EVI5: variants seen among roughly 807,000 people sequenced by gnomAD.
EVI5 encodes ecotropic viral integration site 5.
In EVI5, 73 loss-of-function variants were observed where a neutral mutation model predicts 112.0. The ratio of observed to expected loss-of-function variants is 0.65; its 90% CI spans 0.54 to 0.79. The LOEUF is 0.79. Among genes scored for constraint, EVI5 ranks in the 30% least tolerant of loss-of-function variants. EVI5 has a pLI of 0.00. For synonymous variants in EVI5, 305 were observed against 319.9 expected (o/e 0.95, Z 0.50); for missense variants, 900 against 968.8 (o/e 0.93, Z 0.94).
intron 19 of EVI5, among the ~76,000 whole-genome samples, chr1:92,519,037 CT>C (rs936433053): frequency 6.6e-5 from 10 of 152,002 alleles, no homozygotes; most frequent in Non-Finnish European, 1.0e-4. Context: ...CCTACAAGGC[CT>C]TTTTTTGTTT....
At chr1:92,785,155 C>A (rs1371987574), upstream of EVI5, 3 of 974,002 alleles carry the variant, frequency 3.1e-6, no homozygotes, top group African/African-American at 5.3e-5. Context: ...CAGCCTCTAC[C>A]GCAGAATGGG....
intron 2 of EVI5, among the ~76,000 whole-genome samples, chr1:92,735,980 T>C (rs977435928): frequency 6.0e-5 from 9 of 150,814 alleles, no homozygotes; most frequent in East Asian, 1.9e-4. Context: ...TTTAATACCA[T>C]TAGGAGAAAA....
At chr1:92,633,733 G>A (rs946860308) in intron 14 of EVI5, among the ~76,000 whole-genome samples, 7 of 151,846 alleles carry the variant, frequency 4.6e-5, no homozygotes, top group African/African-American at 9.7e-5. Context: ...AGCTGATAAC[G>A]AGCATATTTT....
At chr1:92,657,673 C>CA (rs543863509) in intron 13 of EVI5, among the ~76,000 whole-genome samples, 3,125 of 150,582 alleles carry the variant, frequency 0.021, 87 homozygotes, top group African/African-American at 0.072. Flanking sequence ...AACAAACAAA[C>CA]AAAAAAAAAC....
intron 1 of EVI5, among the ~76,000 whole-genome samples, chr1:92,759,616 T>C (rs560195617): frequency 6.6e-6 from 1 of 152,318 alleles, no homozygotes; most frequent in Non-Finnish European, 1.5e-5. Flanking sequence ...CTATATCCAT[T>C]TCCCTTTCTT....
intron 1 of EVI5, among the ~76,000 whole-genome samples, chr1:92,747,891 T>C (rs1469482471): frequency 1.3e-5 from 2 of 152,074 alleles, no homozygotes; most frequent in African/African-American, 4.8e-5. Context: ...CCAGCATTTC[T>C]TGGTTTGCAG....
At chr1:92,711,291 G>GT (rs773167751) in intron 2 of EVI5, among the ~76,000 whole-genome samples, 5 of 152,090 alleles carry the variant, frequency 3.3e-5, no homozygotes, top group Admixed American at 6.5e-5. Context: ...CAAAAATCTG[G>GT]TAATTATCTG....
chr1:92,541,921 A>G (rs1664869987), intron 19 of EVI5, among the ~76,000 whole-genome samples: 1 of 152,372 alleles, frequency 6.6e-6, no homozygotes, highest in East Asian at 1.9e-4. Context: ...AGTGGTCAGC[A>G]AGTAATGGAT....
intron 18 of EVI5, among the ~76,000 whole-genome samples, chr1:92,566,396 GT>G (rs1301203288): frequency 6.6e-6 from 1 of 152,134 alleles, no homozygotes; most frequent in Non-Finnish European, 1.5e-5. Flanking sequence ...TGACATTGTA[GT>G]TGTACAATGT....
intron 16 of EVI5, among the ~76,000 whole-genome samples, chr1:92,614,117 CTGA>C (rs2101668788): frequency 6.6e-6 from 1 of 152,302 alleles, no homozygotes; most frequent in East Asian, 1.9e-4. Context: ...CTATGGTGCA[CTGA>C]TGATACCACA....
At position 92,563,628 on chromosome 1, in the gene EVI5, A is replaced by C. The variant is rs201143742; in HGVS notation, c.2166+14T>G. 1.2e-4 allele frequency: 172 copies of C among 1,441,010 alleles called. No individual in the cohort carries two copies. Among genetic ancestry groups the C allele is most frequent in the Non-Finnish European group, 1.6e-4 (169 of 1,036,280 alleles). 89.3% of individuals were successfully genotyped at this position (1,441,010 alleles called of 1,614,324 possible). A position where few individuals can be genotyped will look rare whatever the true frequency, so the allele number is the denominator to read the frequency against. ...GAAGAAAGCAATATGTGAAGATCAA[A>C]ATTTATCACTTACCTCATGATTCAG... On this transcript the variant is annotated intron_variant, in intron 19 of 19. Coordinates refer to ENST00000684568, the MANE Select transcript of EVI5 (RefSeq NM_001350197.2).
chr1:92,755,526 T>G (rs989962373), intron 1 of EVI5, among the ~76,000 whole-genome samples: 5 of 152,246 alleles, frequency 3.3e-5, no homozygotes, highest in African/African-American at 1.2e-4. Flanking sequence ...TACAGCTGTT[T>G]AGAACGACTA....
Position 92,704,549 on chromosome 1 carries a change from G to T in EVI5, c.339+6C>A, listed in dbSNP as rs199772838. On this transcript the variant is annotated splice_donor_region_variant and intron_variant, in intron 3 of 19. Coordinates refer to ENST00000684568, the MANE Select transcript of EVI5 (RefSeq NM_001350197.2). ...GAATAAGAACTTCAACAAAGAACAT[G>T]AATACCTTAACTTGCTTTTCCTTCT... The T allele has an allele frequency of 1.2e-4, 186 of 1,539,148 alleles. No individual in the cohort carries two copies. The highest frequency in any genetic ancestry group is 7.3e-4 in the South Asian group (59 of 80,398).
intron 1 of EVI5, among the ~76,000 whole-genome samples, chr1:92,742,307 G>A (rs1678535367): frequency 6.6e-6 from 1 of 151,950 alleles, no homozygotes; most frequent in Non-Finnish European, 1.5e-5. Context: ...CAATCCTCCT[G>A]CTTCAGCCTC....
intron 18 of EVI5, among the ~76,000 whole-genome samples, chr1:92,571,029 T>A (rs966093590): frequency 6.6e-6 from 1 of 151,874 alleles, no homozygotes; most frequent in African/African-American, 2.4e-5. Flanking sequence ...GAAAACTATA[T>A]TTTTTATTAA....
chr1:92,787,621 G>A (rs1223210480), upstream of EVI5, among the ~76,000 whole-genome samples: 1 of 152,074 alleles, frequency 6.6e-6, no homozygotes, highest in Non-Finnish European at 1.5e-5. Context: ...GGCACCTGTA[G>A]TCCTGCTACT....
intron 19 of EVI5, among the ~76,000 whole-genome samples, chr1:92,514,575 T>C (rs1355820621): frequency 6.6e-6 from 1 of 152,218 alleles, no homozygotes; most frequent in South Asian, 2.1e-4. Flanking sequence ...TAAGGACATA[T>C]ATAGCTAGTA....
intron 18 of EVI5, among the ~76,000 whole-genome samples, chr1:92,599,015 T>A (rs1648548192): frequency 6.6e-6 from 1 of 151,794 alleles, no homozygotes; most frequent in Non-Finnish European, 1.5e-5. Flanking sequence ...TCTTTGAAAA[T>A]AAATTTAATA....
At chr1:92,525,780 G>A (rs1300951357) in intron 19 of EVI5, among the ~76,000 whole-genome samples, 1 of 152,144 alleles carries the variant, frequency 6.6e-6, no homozygotes, top group African/African-American at 2.4e-5. Flanking sequence ...TCAGTTTACT[G>A]CTTCTTTCGG....
Sources: allele counts gnomAD v4.1 joint callset (sites outside exome capture counted in the v4.1 genomes callset), GRCh38; gene constraint gnomAD v4.1.1; transcripts MANE v1.5; gene names NCBI Gene and HGNC (gene_info 2026-07-23, HGNC 2026-07-21).